The following TMED2 variants were observed in gnomAD, a reference collection of about 807,000 sequenced individuals.
The protein encoded by TMED2 is transmembrane emp24 domain-containing protein 2.
Under a neutral mutation model 17.5 loss-of-function variants are expected in TMED2, and 3 were observed. The ratio of observed to expected loss-of-function variants is 0.17; its 90% confidence interval spans 0.08 to 0.44. The LOEUF (loss-of-function observed/expected upper bound fraction) is 0.44, where lower values mean the gene tolerates loss of function less well. Ranked by LOEUF, TMED2 falls within the 20% of genes least tolerant of loss-of-function variation. The pLI, the probability that TMED2 is intolerant of heterozygous loss-of-function variation, is 0.99. For missense variants in TMED2, 149 were observed against 254.8 expected (o/e 0.58, Z 2.83); for synonymous variants, 95 against 91.0 (o/e 1.04, Z -0.25).
intron 1 of TMED2, 51 bp from the exon 2 acceptor site, chr12:123,586,696 T>A: frequency 6.6e-7 from 1 of 1,518,706 alleles, no homozygotes; most frequent in Non-Finnish European, 8.9e-7. Context: ...ACTTATAAAG[T>A]CTATGACTTA....
intron 2 of TMED2, 39 bp downstream of exon 2, chr12:123,586,978 G>T: frequency 6.6e-7 from 1 of 1,518,196 alleles, no homozygotes; most frequent in South Asian, 1.3e-5. Flanking sequence ...CACATTCCAA[G>T]AGCTAATTTT....
At chr12:123,586,709 C>G in intron 1 of TMED2, 38 bp from the exon 2 acceptor site, 1 of 1,546,412 alleles carries the variant, frequency 6.5e-7, no homozygotes, top group East Asian at 2.3e-5. Context: ...ATGACTTAAT[C>G]TTTTGTGACA....
At chr12:123,590,599 G>A (rs2135661942) in intron 3 of TMED2, 150 bp downstream of exon 3, 1 of 522,268 alleles carries the variant, frequency 1.9e-6, no homozygotes, top group East Asian at 3.7e-5. Flanking sequence ...TATTTTTTGA[G>A]CATACACATG....
intron 3 of TMED2, among the ~76,000 whole-genome samples, chr12:123,591,425 G>C (rs1244745105): frequency 6.6e-6 from 1 of 152,182 alleles, no homozygotes; most frequent in African/African-American, 2.4e-5. Flanking sequence ...CAATTCCATT[G>C]ATTAGGTTCA....
chr12:123,595,486 G>A (rs1953424649), intron 3 of TMED2, among the ~76,000 whole-genome samples: 1 of 152,026 alleles, frequency 6.6e-6, no homozygotes, highest in Non-Finnish European at 1.5e-5. Context: ...AACATATTTG[G>A]GGAAAAAGAC....
At chr12:123,586,716 G>C in intron 1 of TMED2, 31 bp from the exon 2 acceptor site, 1 of 1,551,246 alleles carries the variant, frequency 6.4e-7, no homozygotes, top group Non-Finnish European at 8.7e-7. Context: ...AATCTTTTGT[G>C]ACATTTTATG....
intron 3 of TMED2, among the ~76,000 whole-genome samples, chr12:123,594,378 C>A (rs1423623947): frequency 6.6e-6 from 1 of 151,950 alleles, no homozygotes; most frequent in African/African-American, 2.4e-5. Flanking sequence ...TCGTGATCCA[C>A]CCGCCTCGAC....
chr12:123,590,558 G>A (rs1953383948), intron 3 of TMED2, 109 bp downstream of exon 3: 1 of 809,352 alleles, frequency 1.2e-6, no homozygotes, highest in African/African-American at 1.8e-5. Context: ...TTATGTGAAA[G>A]CATTGACTTT....
At chr12:123,595,949 A>AG (rs1423540932) in intron 3 of TMED2, among the ~76,000 whole-genome samples, 2 of 152,236 alleles carry the variant, frequency 1.3e-5, no homozygotes, top group African/African-American at 4.8e-5. Context: ...GGATTGCTTG[A>AG]GTACAGTTCA....
chr12:123,595,397 C>T (rs572622543), intron 3 of TMED2, among the ~76,000 whole-genome samples: 2 of 152,068 alleles, frequency 1.3e-5, no homozygotes, highest in Admixed American at 6.6e-5. Flanking sequence ...TAGTAACTGT[C>T]AGTATGGATC....
At chr12:123,592,433 A>AACAC (rs1953398822) in intron 3 of TMED2, among the ~76,000 whole-genome samples, 2 of 69,170 alleles carry the variant, frequency 2.9e-5, no homozygotes, top group Non-Finnish European at 5.7e-5. Context: ...CAGTGGCCAG[A>AACAC]GGAAGCACAT....
chr12:123,585,050 C>T, intron 1 of TMED2: 1 of 526,730 alleles, frequency 1.9e-6, no homozygotes, highest in Admixed American at 3.2e-5. Flanking sequence ...CTTCGGCATG[C>T]TTGGTTGCTT....
intron 3 of TMED2, among the ~76,000 whole-genome samples, chr12:123,593,039 G>C (rs938162591): frequency 6.6e-6 from 1 of 152,108 alleles, no homozygotes; most frequent in Non-Finnish European, 1.5e-5. Context: ...TGGCCAATAT[G>C]GTGAAACCCC....
chr12:123,594,203 C>T (rs1953413639), intron 3 of TMED2, among the ~76,000 whole-genome samples: 1 of 150,368 alleles, frequency 6.7e-6, no homozygotes, highest in African/African-American at 2.4e-5. Flanking sequence ...GGTGCAAACT[C>T]GGCTCACTGC....
intron 3 of TMED2, among the ~76,000 whole-genome samples, chr12:123,594,613 C>T (rs1392143921): frequency 6.6e-6 from 1 of 151,860 alleles, no homozygotes; most frequent in African/African-American, 2.4e-5. Flanking sequence ...ATTGGCCAGG[C>T]GTGATGGCTC....
rs535990719 is a variant in TMED2 at position 123,587,579 on chromosome 12, T to G, written c.373+640T>G. ...TTTAGCTAAACTTTTTGTTGGTTCT[T>G]TTTGTGTTAAGATATCTTAACTTTT... is the stretch of plus-strand genomic sequence containing the variant. On this transcript the variant is annotated intron_variant, in intron 2 of 3. Transcript: ENST00000262225. 156 of 1,271,022 alleles carry G rather than the reference T, an allele frequency of 1.2e-4. 2 individuals carry two copies. The South Asian group carries it at 2.0e-3, about 16-fold the overall frequency. 78.7% of individuals were successfully genotyped at this position (1,271,022 alleles called of 1,614,324 possible).
chr12:123,587,983 A>T (rs1160976009), intron 2 of TMED2, among the ~76,000 whole-genome samples: 1 of 152,208 alleles, frequency 6.6e-6, no homozygotes, highest in Admixed American at 6.5e-5. Flanking sequence ...CTTTGTAGAA[A>T]GTCATTTTGT....
In TMED2 at chr12:123,596,719, G is replaced by C. The variant is rs1416198241; in HGVS notation, c.596G>C (p.Arg199Thr). ...YYLKRFFEVR[R>T]VV is the part of the protein sequence containing the mutation. ...CTGAAGAGATTTTTTGAAGTCCGGA[G>C]AGTTGTTTAAAAAGCCTCTTCCTGA... The change falls in exon 4 of 4, where the codon AGA becomes ACA. Residue 199 changes from arginine to threonine, a missense_variant. Physicochemically the swap from Arg to Thr is moderately conservative, Grantham distance 71. Coordinates refer to ENST00000262225, the MANE Select transcript of TMED2 (RefSeq NM_006815.4). 1 of 1,606,708 alleles carries C rather than the reference G, an allele frequency of 6.2e-7. No individual in the cohort carries two copies.
At chr12:123,591,134 G>A (rs1230325551) in intron 3 of TMED2, among the ~76,000 whole-genome samples, 1 of 152,096 alleles carries the variant, frequency 6.6e-6, no homozygotes, top group Non-Finnish European at 1.5e-5. Flanking sequence ...TGTACCAGTG[G>A]GATTAATATT....
Sources: allele counts gnomAD v4.1 joint callset (sites outside exome capture counted in the v4.1 genomes callset), GRCh38; gene constraint gnomAD v4.1.1; transcripts MANE v1.5; gene names NCBI Gene and HGNC (gene_info 2026-07-23, HGNC 2026-07-21).